NCOR2: variants seen among roughly 807,000 people sequenced by gnomAD.
NCOR2 encodes CTG repeat protein 26.
In NCOR2, 81 loss-of-function variants were observed where a neutral mutation model predicts 262.9. That is an observed-to-expected ratio of 0.31 (90% CI 0.26 to 0.37). The LOEUF is 0.37. Among genes scored for constraint, NCOR2 ranks in the 10% least tolerant of loss-of-function variants. NCOR2 has a pLI of 1.00. For synonymous variants in NCOR2, 1,659 were observed against 1,559.3 expected, an observed-to-expected ratio of 1.06 and a Z score of -1.51; for missense variants, 3,385 against 3,621.4, an observed-to-expected ratio of 0.93 and a Z score of 1.68.
intron 1 of NCOR2, among the ~76,000 whole-genome samples, chr12:124,543,503 C>G (rs1459899031): frequency 2.6e-5 from 4 of 152,250 alleles, no homozygotes; most frequent in Non-Finnish European, 5.9e-5. Context: ...GGACCCCGAG[C>G]ATCTGACCCT....
intron 14 of NCOR2, among the ~76,000 whole-genome samples, chr12:124,402,042 CT>C (rs112619885): frequency 1.3e-5 from 2 of 152,174 alleles, no homozygotes; most frequent in Non-Finnish European, 2.9e-5. Flanking sequence ...CCCTTTCCCC[CT>C]TCCTGGCGCC....
exon 21 of NCOR2, chr12:124,363,738 G>T: frequency 7.1e-7 from 1 of 1,405,446 alleles, no homozygotes. Context: ...GGCTTCTGGG[G>T]TGAGGCATTG....
chr12:124,328,927 T>A (rs978941349), intron 44 of NCOR2: 2 of 314,526 alleles, frequency 6.4e-6, no homozygotes, highest in African/African-American at 4.4e-5. Context: ...TGGCCACATT[T>A]CTGCAGCACT....
chr12:124,430,553 G>A (rs946019067), intron 9 of NCOR2, 62 bp downstream of exon 11: 3 of 1,543,708 alleles, frequency 1.9e-6, no homozygotes, highest in African/African-American at 1.4e-5. Flanking sequence ...CATCTCTACT[G>A]AGGATGCTGG....
In NCOR2 at chr12:124,385,730, T is replaced by C. The variant is rs750588014; in HGVS notation, c.2019+15A>G. On this transcript the variant is annotated intron_variant, in intron 17 of 46. Coordinates refer to ENST00000405201, the Ensembl canonical transcript of NCOR2. Reference sequence around the variant, plus strand: ...AGCTTCCCAGAGGCGCGGTGCAGCGTGACTGGGGGCTCACCATCTTCAGCT... The same window carrying C: ...AGCTTCCCAGAGGCGCGGTGCAGCGCGACTGGGGGCTCACCATCTTCAGCT... 5.0e-6 allele frequency: 8 copies of C among 1,612,864 alleles called. No individual in the cohort carries two copies. The highest frequency in any genetic ancestry group is 6.8e-6 in the Non-Finnish European group (8 of 1,179,610).
At chr12:124,405,832 G>A (rs551376966) in intron 13 of NCOR2, among the ~76,000 whole-genome samples, 1 of 152,314 alleles carries the variant, frequency 6.6e-6, no homozygotes, top group South Asian at 2.1e-4. Context: ...CGACACTGGC[G>A]AGGCTGGGCT....
chr12:124,329,708 C>T (rs977522021), intron 44 of NCOR2, among the ~76,000 whole-genome samples: 1 of 152,180 alleles, frequency 6.6e-6, no homozygotes, highest in Admixed American at 6.5e-5. Context: ...TGCACCACTG[C>T]ACTCTGGCCT....
chr12:124,448,777 C>T (rs894844398), intron 7 of NCOR2, among the ~76,000 whole-genome samples: 1 of 152,168 alleles, frequency 6.6e-6, no homozygotes, highest in African/African-American at 2.4e-5. Context: ...TGCACGCTTT[C>T]AGGAACGGGG....
intron 16 of NCOR2, chr12:124,388,855 C>G: frequency 8.4e-7 from 1 of 1,183,454 alleles, no homozygotes; most frequent in Non-Finnish European, 1.1e-6. Context: ...CATCCTTCTC[C>G]GTCCCACGGT....
chr12:124,405,269 T>C (rs1362330315), intron 13 of NCOR2, among the ~76,000 whole-genome samples: 2 of 152,210 alleles, frequency 1.3e-5, no homozygotes, highest in East Asian at 3.8e-4. Flanking sequence ...CTGTCCATCT[T>C]ACAGAACAGG....
chr12:124,567,593 G>T (rs2137318408), upstream of NCOR2: 1 of 142,560 alleles, frequency 7.0e-6, no homozygotes. Flanking sequence ...GCGCTCCCCG[G>T]CGGCCGCGGC....
Position 124,443,910 on chromosome 12 carries a change from C to T in NCOR2, c.815+5905G>A, listed in dbSNP as rs925959511. On this transcript the variant is annotated intron_variant, in intron 7 of 46. Coordinates refer to ENST00000405201, the Ensembl canonical transcript of NCOR2. This position sits in a 1 kb window ranked among gnomAD's most constrained non-coding sequence, Gnocchi z 4.4. The stretch of plus-strand genomic sequence containing the variant: ...AAAACATCAGGCCATCGGGCCACAC[C>T]CCTTCATGGCCACAGGCTGGGAAAC... 5.3e-5 allele frequency among the ~76,000 whole-genome samples: 8 copies of T among 152,104 alleles called. No individual in the cohort carries two copies. The highest frequency in any genetic ancestry group is 4.6e-4 in the Admixed American group (7 of 15,282).
chr12:124,337,620 G>C (rs1420530051), intron 37 of NCOR2, among the ~76,000 whole-genome samples: 1 of 152,206 alleles, frequency 6.6e-6, no homozygotes, highest in Non-Finnish European at 1.5e-5. Context: ...CTTCAGGGAG[G>C]GGGCACATGA....
At chr12:124,527,121 T>C (rs1593983143) in intron 1 of NCOR2, among the ~76,000 whole-genome samples, 1 of 152,216 alleles carries the variant, frequency 6.6e-6, no homozygotes, top group East Asian at 1.9e-4. Context: ...TTTTCAGCAG[T>C]GAAACCTCAG....
chr12:124,459,417 G>A (rs566283623), intron 5 of NCOR2, among the ~76,000 whole-genome samples: 37 of 152,164 alleles, frequency 2.4e-4, no homozygotes, highest in South Asian at 2.3e-3. Flanking sequence ...CCTGCTCCAC[G>A]GTCTTCTCTG....
chr12:124,414,019 C>A (rs975096451), intron 13 of NCOR2, among the ~76,000 whole-genome samples: 1 of 151,882 alleles, frequency 6.6e-6, no homozygotes, highest in Non-Finnish European at 1.5e-5. Flanking sequence ...ATCCAGCATC[C>A]GACTCCCCAC....
intron 30 of NCOR2, 92 bp downstream of exon 32, chr12:124,347,733 C>T: frequency 7.6e-7 from 1 of 1,313,856 alleles, no homozygotes; most frequent in Non-Finnish European, 1.1e-6. Context: ...GTCCTGAGTT[C>T]CCACCACACT....
intron 18 of NCOR2, 49 bp from the exon 21 acceptor site, chr12:124,374,512 G>A (rs768515984): frequency 1.9e-6 from 3 of 1,572,984 alleles, no homozygotes; most frequent in Non-Finnish European, 2.6e-6. Context: ...ACCAAGTAGT[G>A]GGAGGGGAGG....
intron 7 of NCOR2, among the ~76,000 whole-genome samples, chr12:124,444,459 C>T (rs769280201): frequency 6.6e-6 from 1 of 152,128 alleles, no homozygotes; most frequent in Non-Finnish European, 1.5e-5. Context: ...CTAGCTGGGA[C>T]TGGTCCTGGG....
Sources: gnomAD v4.1 joint callset for allele counts (sites outside exome capture counted in the v4.1 genomes callset) on GRCh38, gnomAD v4.1.1 for gene constraint, Gnocchi (gnomAD v3.1) non-coding constraint, MANE v1.5 for transcripts, NCBI Gene and HGNC (gene_info 2026-07-23, HGNC 2026-07-21) for gene names.